Variants in PTGFRN observed in about 807,000 individuals in gnomAD.
The protein encoded by PTGFRN is prostaglandin F2 receptor inhibitor.
In PTGFRN, 35 loss-of-function variants were observed where a neutral mutation model predicts 83.2. The observed-to-expected ratio is 0.42, with a 90% CI of 0.32 to 0.56. The LOEUF is 0.56. Among genes scored for constraint, PTGFRN ranks in the 20% least tolerant of loss-of-function variants. The pLI, the probability that PTGFRN is intolerant of heterozygous loss-of-function variation, is 0.11. For synonymous variants in PTGFRN, 519 were observed against 498.6 expected, an observed-to-expected ratio of 1.04 and a Z score of -0.55; for missense variants, 1,051 against 1,179.5, an observed-to-expected ratio of 0.89 and a Z score of 1.60.
intron 6 of PTGFRN, among the ~76,000 whole-genome samples, chr1:116,971,142 A>G (rs1650983586): frequency 6.6e-6 from 1 of 152,164 alleles, no homozygotes. Flanking sequence ...TTTCTTCATG[A>G]CTTTGAGATC....
rs1272203740 is a variant in PTGFRN, at chr1:116,923,247, A to ATATATAT, written c.49+12997_49+13003dup. ...AAAATGCCTATAAGGTGTGTATATTATATATATTTAAAATTGTGGACGTTA... is the reference window on the plus strand; with the variant it reads ...AAAATGCCTATAAGGTGTGTATATTATATATATTATATATTTAAAATTGTGGACGTTA... On this transcript the variant is annotated intron_variant, in intron 1 of 8. Coordinates refer to ENST00000393203, the MANE Select transcript of PTGFRN (RefSeq NM_020440.4). The surrounding 1 kb of genome is among the most constrained non-coding windows in gnomAD (Gnocchi z 4.0). Among the ~76,000 whole-genome samples, 2 of 152,160 alleles carry ATATATAT rather than the reference A, an allele frequency of 1.3e-5. No homozygotes were observed. The highest frequency in any genetic ancestry group is 2.4e-5 in the African/African-American group (1 of 41,434).
rs116414779 is a variant in PTGFRN at position 116,922,147 on chromosome 1, C to T, written c.49+11895C>T. 2.9e-3 allele frequency among the ~76,000 whole-genome samples: 439 copies of T among 152,142 alleles called. 1 individual carries two copies. The highest frequency in any genetic ancestry group is 0.02 in the Middle Eastern group (6 of 294). The stretch of plus-strand genomic sequence containing the variant: ...CAGCGCCCACAGAGCAGCTAAGAGC[C>T]GGCATGTGTGAGGCTGGAGAGGTCC... On this transcript the variant is annotated intron_variant, in intron 1 of 8. Coordinates refer to ENST00000393203, the MANE Select transcript of PTGFRN (RefSeq NM_020440.4).
At chr1:116,970,448 A>G (rs1042729437) in intron 6 of PTGFRN, among the ~76,000 whole-genome samples, 1 of 152,002 alleles carries the variant, frequency 6.6e-6, no homozygotes. Flanking sequence ...GTCTGTAGGA[A>G]TCTGTTCCAT....
In PTGFRN at chr1:116,949,449, A is replaced by T; in HGVS notation, c.1090A>T (p.Ser364Cys). 1 of 1,614,240 alleles carries T rather than the reference A, an allele frequency of 6.2e-7. No individual in the cohort carries two copies. Among genetic ancestry groups the T allele is most frequent in the Non-Finnish European group, 8.5e-7 (1 of 1,180,044 alleles). ...CTACCATTTACTGGTTCGGGATGTT[A>T]GCAAAGAAAACTCTGGCTACTATTA... ...RSYHLLVRDV[S>C]KENSGYYYCH... The change falls in exon 4 of 9, where the codon AGC becomes TGC. Residue 364 changes from serine to cysteine, a missense_variant. Physicochemically the swap from Ser to Cys is moderately radical, Grantham distance 112. Transcript: ENST00000393203.
chr1:116,910,964 C>T (rs1397340084), intron 1 of PTGFRN, among the ~76,000 whole-genome samples: 1 of 152,156 alleles, frequency 6.6e-6, no homozygotes, highest in East Asian at 1.9e-4. Context: ...CTTACTATCC[C>T]CTCGTCTTCC....
chr1:116,915,670 C>T (rs376379065), intron 1 of PTGFRN, among the ~76,000 whole-genome samples: 12 of 152,154 alleles, frequency 7.9e-5, no homozygotes, highest in East Asian at 1.9e-4. Context: ...ATTTTCCCCC[C>T]GTAGATTGAA....
chr1:116,954,891 G>A (rs1029510036), intron 4 of PTGFRN, among the ~76,000 whole-genome samples: 3 of 152,310 alleles, frequency 2.0e-5, no homozygotes, highest in Non-Finnish European at 2.9e-5. Flanking sequence ...AAAGTATATA[G>A]TGTGGTGCCT....
chr1:116,980,259 G>A (rs1372235693), intron 7 of PTGFRN, among the ~76,000 whole-genome samples: 1 of 152,214 alleles, frequency 6.6e-6, no homozygotes, highest in Non-Finnish European at 1.5e-5. Context: ...CTTTTACACT[G>A]TTGGTGAGAC....
Position 116,941,817 on chromosome 1 carries a change from C to T in PTGFRN, c.152C>T (p.Pro51Leu), listed in dbSNP as rs1249851138. 1.9e-6 allele frequency: 3 copies of T among 1,614,142 alleles called. No individual in the cohort carries two copies. The highest frequency in any genetic ancestry group is 4.5e-5 in the East Asian group (2 of 44,882). Residue 51 changes from proline to leucine, a missense_variant, in exon 2 of 9, where the codon CCC becomes CTC. Pro to Leu is a moderately conservative substitution (Grantham distance 98, BLOSUM62 -3). Around this residue, in one of 3 missense-constraint regions of PTGFRN, gnomAD observed 127 missense variants for 168.4 expected, o/e 0.75. Coordinates refer to ENST00000393203, the MANE Select transcript of PTGFRN (RefSeq NM_020440.4). The surrounding 1 kb of genome is among the most constrained non-coding windows in gnomAD (Gnocchi z 5.0). ...TGCAACGTCAGTGACTATGATGGCCCCAGCGAGCAAAACTTTGACTGGAGC... is the reference window on the plus strand; with the variant it reads ...TGCAACGTCAGTGACTATGATGGCCTCAGCGAGCAAAACTTTGACTGGAGC... ...IPCNVSDYDG[P>L]SEQNFDWSFS... is the part of the protein sequence containing the mutation.
intron 1 of PTGFRN, among the ~76,000 whole-genome samples, chr1:116,935,531 A>C (rs1391798156): frequency 2.0e-5 from 3 of 152,174 alleles, no homozygotes; most frequent in Non-Finnish European, 4.4e-5. Context: ...CTACTCTATG[A>C]TAGCAAAAAG....
At chr1:116,943,046 T>G (rs1317433658) in intron 2 of PTGFRN, among the ~76,000 whole-genome samples, 1 of 152,224 alleles carries the variant, frequency 6.6e-6, no homozygotes, top group East Asian at 1.9e-4. Flanking sequence ...CCTGCCTTGT[T>G]CCCAAAAGGA....
At chr1:116,962,452 C>G (rs1650692072) in intron 5 of PTGFRN, 1 of 152,252 alleles carries the variant, frequency 6.6e-6, no homozygotes, top group Non-Finnish European at 1.5e-5. Flanking sequence ...CAGGCGGGTT[C>G]CACCAGAAAT....
rs561522616 is a variant in PTGFRN at position 116,913,155 on chromosome 1, G to A, written c.49+2903G>A. On this transcript the variant is annotated intron_variant, in intron 1 of 8. Coordinates refer to ENST00000393203, the MANE Select transcript of PTGFRN (RefSeq NM_020440.4). ...CAGAGAATAAAATAGCTAACCACAG[G>A]ACTGAATGAAATACCTGACATGGAA... is the stretch of plus-strand genomic sequence containing the variant. 1.7e-4 allele frequency among the ~76,000 whole-genome samples: 26 copies of A among 152,334 alleles called. No homozygotes were observed. In the South Asian group the frequency reaches 5.4e-3, roughly 32 times the overall value.
intron 1 of PTGFRN, among the ~76,000 whole-genome samples, chr1:116,915,332 C>T (rs2101049553): frequency 6.6e-6 from 1 of 152,296 alleles, no homozygotes; most frequent in South Asian, 2.1e-4. Flanking sequence ...TAGCAGGTGG[C>T]CATGCCGGCT....
At position 116,987,134 on chromosome 1, in the gene PTGFRN, C is replaced by A; in HGVS notation, c.*167C>A. 2.8e-6 allele frequency: 2 copies of A among 712,994 alleles called. No individual in the cohort carries two copies. The highest frequency in any genetic ancestry group is 4.5e-6 in the Non-Finnish European group (2 of 442,886). 44.2% of individuals were successfully genotyped at this position (712,994 alleles called of 1,614,324 possible). On this transcript the variant is annotated 3_prime_UTR_variant, in exon 9 of 9. Coordinates refer to ENST00000393203, the MANE Select transcript of PTGFRN (RefSeq NM_020440.4). ...CTGCATGTCAAGTTCTGAGCGCGGACATGTTTACCAGCACACGGCTCTTCT... is the reference window on the plus strand; with the variant it reads ...CTGCATGTCAAGTTCTGAGCGCGGAAATGTTTACCAGCACACGGCTCTTCT...
chr1:116,978,110 C>A (rs1225556308), intron 7 of PTGFRN, among the ~76,000 whole-genome samples: 3 of 152,194 alleles, frequency 2.0e-5, no homozygotes. Context: ...CGCAAATAAA[C>A]TAGAAAATCT....
chr1:116,975,369 G>A (rs979677306), intron 7 of PTGFRN, among the ~76,000 whole-genome samples: 4 of 152,220 alleles, frequency 2.6e-5, no homozygotes, highest in Admixed American at 6.5e-5. Flanking sequence ...CAGCTTTGAA[G>A]AGAGTAGTGC....
Position 116,967,187 on chromosome 1 carries a change from G to A in PTGFRN, c.1916G>A (p.Arg639His), listed in dbSNP as rs771569415. 3 of 1,614,162 alleles carry A rather than the reference G, an allele frequency of 1.9e-6. No individual in the cohort carries two copies. Among genetic ancestry groups the A allele is most frequent in the Admixed American group, 1.7e-5 (1 of 60,028 alleles). ...VLEKVQEDEFRYRMYQTQVSD... is the reference protein window; with the variant it reads ...VLEKVQEDEFHYRMYQTQVSD... ...GAAAAAGTGCAGGAGGATGAGTTCC[G>A]CTATCGAATGTACCAGACTCAGGTC... The change falls in exon 6 of 9, where the codon CGC becomes CAC. Residue 639 changes from arginine to histidine, a missense_variant. This residue lies in a region of PTGFRN where 719 missense variants were observed against 836.6 expected (regional missense o/e 0.86). Coordinates refer to ENST00000393203, the MANE Select transcript of PTGFRN (RefSeq NM_020440.4).
Position 116,957,849 on chromosome 1 carries a change from G to A in PTGFRN, c.1214-3394G>A, listed in dbSNP as rs974666789. ...CTCAGCTTTTTGACCTCCCACATGCGAGTGACATTATGTGGTATTTGTCTT... is the reference window on the plus strand; with the variant it reads ...CTCAGCTTTTTGACCTCCCACATGCAAGTGACATTATGTGGTATTTGTCTT... On this transcript the variant is annotated intron_variant, in intron 4 of 8. Coordinates refer to ENST00000393203, the MANE Select transcript of PTGFRN (RefSeq NM_020440.4). 7.9e-5 allele frequency among the ~76,000 whole-genome samples: 12 copies of A among 152,012 alleles called. 1 individual carries two copies. Among genetic ancestry groups the A allele is most frequent in the African/African-American group, 1.5e-4 (6 of 41,378 alleles).
Sources: gnomAD v4.1 joint callset for allele counts (sites outside exome capture counted in the v4.1 genomes callset) on GRCh38, gnomAD v4.1.1 for gene constraint, gnomAD v4.1.1 regional missense constraint, Gnocchi (gnomAD v3.1) non-coding constraint, MANE v1.5 for transcripts, NCBI Gene and HGNC (gene_info 2026-07-23, HGNC 2026-07-21) for gene names.